MYRIP: variants seen among roughly 807,000 people sequenced by gnomAD.
MYRIP encodes myosin VIIA and Rab interacting protein.
MYRIP carries 49 observed loss-of-function variants against 98.0 expected under a neutral mutation model. The ratio of observed to expected loss-of-function variants is 0.50; its 90% CI spans 0.40 to 0.63. MYRIP has a LOEUF of 0.63. Ranked by LOEUF, MYRIP falls within the 30% of genes least tolerant of loss-of-function variation. MYRIP has a pLI of 0.00. For missense variants in MYRIP, 1,004 were observed against 1,058.2 expected, an observed-to-expected ratio of 0.95 and a Z score of 0.71; for synonymous variants, 404 against 409.5, an observed-to-expected ratio of 0.99 and a Z score of 0.16.
rs76918827 is a variant in MYRIP at position 40,095,838 on chromosome 3, C to T, written c.332+51567C>T. On this transcript the variant is annotated intron_variant, in intron 3 of 16. Coordinates refer to ENST00000302541, the MANE Select transcript of MYRIP (RefSeq NM_015460.4). ...TCCACAGACCCTCTTCTATCCTCCT[C>T]TTTTCTCCCTCTGCCCTCTCCCACT... 4.8e-3 allele frequency among the ~76,000 whole-genome samples: 731 copies of T among 151,886 alleles called. 4 individuals carry two copies. The highest frequency in any genetic ancestry group is 0.016 in the African/African-American group (680 of 41,388).
chr3:40,102,064 G>A (rs1200683139), intron 3 of MYRIP, among the ~76,000 whole-genome samples: 1 of 152,192 alleles, frequency 6.6e-6, no homozygotes, highest in Non-Finnish European at 1.5e-5. Context: ...TGGGGATGTA[G>A]GTCTGATAGT....
intron 3 of MYRIP, among the ~76,000 whole-genome samples, chr3:40,044,893 C>G (rs543044756): frequency 1.3e-5 from 2 of 152,302 alleles, no homozygotes; most frequent in East Asian, 3.9e-4. Flanking sequence ...AGGGAAATAA[C>G]AAGCATGGCA....
At chr3:40,004,872 A>G (rs1479400386) in intron 2 of MYRIP, among the ~76,000 whole-genome samples, 1 of 152,014 alleles carries the variant, frequency 6.6e-6, no homozygotes, top group East Asian at 1.9e-4. Flanking sequence ...TTGGGTTTCT[A>G]TTGATCCCAT....
chr3:40,150,706 A>G (rs1431162313), intron 3 of MYRIP, among the ~76,000 whole-genome samples: 2 of 152,130 alleles, frequency 1.3e-5, no homozygotes, highest in African/African-American at 4.8e-5. Context: ...CTAGTGGCCG[A>G]TGGCTTCTTT....
chr3:39,858,749 T>C (rs1942377803), intron 1 of MYRIP, among the ~76,000 whole-genome samples: 1 of 151,748 alleles, frequency 6.6e-6, no homozygotes, highest in African/African-American at 2.4e-5. Flanking sequence ...AATTGGAAAA[T>C]TTACAAACAC....
chr3:40,213,062 T>C (rs990142405), intron 11 of MYRIP, among the ~76,000 whole-genome samples: 1 of 152,208 alleles, frequency 6.6e-6, no homozygotes, highest in Non-Finnish European at 1.5e-5. Flanking sequence ...CTACCTCACC[T>C]CCTAACTGGT....
chr3:39,857,155 G>C (rs954469372), intron 1 of MYRIP, among the ~76,000 whole-genome samples: 1 of 151,900 alleles, frequency 6.6e-6, no homozygotes, highest in Non-Finnish European at 1.5e-5. Context: ...CAAGGAGGCA[G>C]TGAGCCAAGA....
intron 3 of MYRIP, among the ~76,000 whole-genome samples, chr3:40,124,666 A>G (rs527281239): frequency 1.3e-5 from 2 of 152,332 alleles, no homozygotes; most frequent in Admixed American, 1.3e-4. Context: ...GATTTGGTGT[A>G]TGCCTGGCAG....
In MYRIP at chr3:40,209,995, G is replaced by A; in HGVS notation, c.1807G>A (p.Glu603Lys). The A allele has an allele frequency of 6.2e-7, 1 of 1,614,122 alleles. No homozygotes were observed. The highest frequency in any genetic ancestry group is 8.5e-7 in the Non-Finnish European group (1 of 1,179,980). Residue 603 changes from glutamate to lysine, a missense_variant, in exon 11 of 17, where the codon GAG becomes AAG. Around this residue, in one of 3 missense-constraint regions of MYRIP, gnomAD observed 880 missense variants for 907.7 expected, o/e 0.97. Coordinates refer to ENST00000302541, the MANE Select transcript of MYRIP (RefSeq NM_015460.4). Reference sequence around the variant, plus strand: ...GAGTGAAAAGGAGACTTCTTCAGGGGAGGATCAGGAGTCTGAGCCCAAGAC... The same window carrying A: ...GAGTGAAAAGGAGACTTCTTCAGGGAAGGATCAGGAGTCTGAGCCCAAGAC... ...KMSEKETSSG[E>K]DQESEPKTES...
At chr3:39,828,133 G>A (rs1405538324) in intron 1 of MYRIP, among the ~76,000 whole-genome samples, 1 of 151,924 alleles carries the variant, frequency 6.6e-6, no homozygotes, top group African/African-American at 2.4e-5. Flanking sequence ...CTGTCTTCTA[G>A]GAACTTATGG....
At chr3:40,139,939 T>C (rs1243629228) in intron 3 of MYRIP, among the ~76,000 whole-genome samples, 1 of 152,234 alleles carries the variant, frequency 6.6e-6, no homozygotes, top group African/African-American at 2.4e-5. Context: ...AATTTGTTTA[T>C]CCATTCACCT....
At chr3:40,194,892 CA>C in intron 10 of MYRIP, among the ~76,000 whole-genome samples, 1 of 152,246 alleles carries the variant, frequency 6.6e-6, no homozygotes, top group East Asian at 1.9e-4. Flanking sequence ...TTCATGTTTA[CA>C]TTTTATAACT....
intron 3 of MYRIP, among the ~76,000 whole-genome samples, chr3:40,082,851 A>T (rs1948509237): frequency 1.3e-5 from 2 of 152,166 alleles, no homozygotes. Context: ...AAATTTCGGG[A>T]AATGGTCCCA....
intron 2 of MYRIP, among the ~76,000 whole-genome samples, chr3:39,908,267 G>T (rs1019195681): frequency 1.3e-5 from 2 of 152,168 alleles, no homozygotes; most frequent in Non-Finnish European, 2.9e-5. Flanking sequence ...AGGCGCAGCT[G>T]CCACAGCCCA....
At position 39,985,054 on chromosome 3, in the gene MYRIP, A is replaced by G. The variant is rs866430324; in HGVS notation, c.111-58996A>G. ...TGAGAAGTGTCTGTTCATGTCCTTC[A>G]CCCACTTTTTGATGGGGTTTTGTTT... On this transcript the variant is annotated intron_variant, in intron 2 of 16. Coordinates refer to ENST00000302541, the MANE Select transcript of MYRIP (RefSeq NM_015460.4). Among the ~76,000 whole-genome samples the G allele has an allele frequency of 3.1e-4, 37 of 118,450 alleles. 1 individual carries two copies. Among genetic ancestry groups the G allele is most frequent in the African/African-American group, 1.3e-4 (3 of 23,910 alleles). The allele number at this position is 118,450 out of a possible 152,430, so 77.7% of individuals were successfully genotyped here. A position where few individuals can be genotyped will look rare whatever the true frequency, so the allele number is the denominator to read the frequency against.
At chr3:40,111,358 G>A (rs545058352) in intron 3 of MYRIP, among the ~76,000 whole-genome samples, 29 of 152,162 alleles carry the variant, frequency 1.9e-4, no homozygotes, top group Admixed American at 3.3e-4. Flanking sequence ...CTTGAAAACC[G>A]TTTAGAATGC....
intron 12 of MYRIP, chr3:40,242,260 GTCATCATCATCA>G (rs532395479): frequency 6.6e-6 from 1 of 151,728 alleles, no homozygotes; most frequent in African/African-American, 2.4e-5. Context: ...AATTAATGCT[GTCATCATCATCA>G]TCATCATCAT....
intron 3 of MYRIP, among the ~76,000 whole-genome samples, chr3:40,093,658 T>C (rs2125884846): frequency 6.6e-6 from 1 of 152,318 alleles, no homozygotes; most frequent in Middle Eastern, 3.4e-3. Flanking sequence ...AGCAGTGCAC[T>C]TTACCTGGGC....
intron 1 of MYRIP, among the ~76,000 whole-genome samples, chr3:39,823,891 T>G (rs1941189646): frequency 6.6e-6 from 1 of 152,166 alleles, no homozygotes; most frequent in African/African-American, 2.4e-5. Context: ...TGCTTTTGTT[T>G]CCCATGCTTT....
Sources: gnomAD v4.1 joint callset for allele counts (sites outside exome capture counted in the v4.1 genomes callset) on GRCh38, gnomAD v4.1.1 for gene constraint, gnomAD v4.1.1 regional missense constraint, MANE v1.5 for transcripts, NCBI Gene and HGNC (gene_info 2026-07-23, HGNC 2026-07-21) for gene names.